The following B3GAT2 variants were observed in gnomAD, a reference collection of about 807,000 sequenced individuals.
B3GAT2 encodes the protein beta-1,3-glucuronyltransferase 2.
In B3GAT2, 26 loss-of-function variants were observed where a neutral mutation model predicts 27.8. That is an observed-to-expected ratio of 0.93 (90% CI 0.68 to 1.30). B3GAT2 has a LOEUF of 1.30. Ranked by LOEUF, B3GAT2 falls within the 50% of genes most tolerant of loss-of-function variation. The pLI, the probability that B3GAT2 is intolerant of heterozygous loss-of-function variation, is 0.00. For missense variants in B3GAT2, 458 were observed against 459.0 expected (o/e 1.00, Z 0.02); for synonymous variants, 218 against 195.1 (o/e 1.12, Z -0.98).
At chr6:70,898,040 A>T (rs1301652548) in intron 1 of B3GAT2, among the ~76,000 whole-genome samples, 1 of 152,164 alleles carries the variant, frequency 6.6e-6, no homozygotes, top group Non-Finnish European at 1.5e-5. Context: ...TTATAATCAG[A>T]TAGTATTACT....
chr6:70,860,168 C>T lies in B3GAT2; in HGVS notation c.*1495G>A, dbSNP rs1361175311. Reference sequence around the variant, plus strand: ...AACAAGAATTAAAAGTGAAGTAAGCCTCTTGAACTAAGCCTTTTATATGTT... The same window carrying T: ...AACAAGAATTAAAAGTGAAGTAAGCTTCTTGAACTAAGCCTTTTATATGTT... On this transcript the variant is annotated 3_prime_UTR_variant, in exon 4 of 4. Transcript: ENST00000230053. 4 of 1,572,880 alleles carry T rather than the reference C, an allele frequency of 2.5e-6. No individual in the cohort carries two copies. The highest frequency in any genetic ancestry group is 3.4e-6 in the Non-Finnish European group (4 of 1,160,348).
chr6:70,933,269 C>A (rs1562233179), intron 1 of B3GAT2, among the ~76,000 whole-genome samples: 1 of 151,930 alleles, frequency 6.6e-6, no homozygotes, highest in African/African-American at 2.4e-5. Flanking sequence ...TTTTTTAAAT[C>A]CTAAAACAAA....
chr6:70,934,999 T>C (rs887257463), intron 1 of B3GAT2, among the ~76,000 whole-genome samples: 1 of 152,206 alleles, frequency 6.6e-6, no homozygotes, highest in Non-Finnish European at 1.5e-5. Flanking sequence ...CAGAGGCTGA[T>C]AGCCACAGGA....
intron 1 of B3GAT2, among the ~76,000 whole-genome samples, chr6:70,899,254 T>C (rs1008083009): frequency 6.6e-6 from 1 of 152,236 alleles, no homozygotes; most frequent in Non-Finnish European, 1.5e-5. Context: ...TGTTTTGCAT[T>C]AGACTTTTCA....
Position 70,936,015 on chromosome 6 carries a change from G to A in B3GAT2, c.591+19824C>T, listed in dbSNP as rs373297346. 3.1e-3 allele frequency among the ~76,000 whole-genome samples: 474 copies of A among 151,274 alleles called. 12 individuals are homozygous for A. The East Asian group carries it at 0.084, about 27-fold the overall frequency. ...GCTGTATTCAGGAAACCCATCTCAC[G>A]TGCAGAGACACACATAGGCTCAAAA... is the stretch of plus-strand genomic sequence containing the variant. On this transcript the variant is annotated intron_variant, in intron 1 of 3. Coordinates refer to ENST00000230053, the MANE Select transcript of B3GAT2 (RefSeq NM_080742.3).
intron 1 of B3GAT2, among the ~76,000 whole-genome samples, chr6:70,939,797 A>T (rs1765358516): frequency 2.0e-5 from 3 of 152,000 alleles, no homozygotes. Flanking sequence ...TAATGCTAAA[A>T]GACTAGTTAA....
chr6:70,873,155 T>C (rs887406024), intron 2 of B3GAT2, among the ~76,000 whole-genome samples: 1 of 152,152 alleles, frequency 6.6e-6, no homozygotes, highest in Non-Finnish European at 1.5e-5. Flanking sequence ...CTAGTGTTCT[T>C]ATTTGTTCAT....
Position 70,955,891 on chromosome 6 carries a change from A to G in B3GAT2, c.539T>C (p.Val180Ala). The change falls in exon 1 of 4, where the codon GTG becomes GCG. Residue 180 changes from valine (V) to alanine (A), a missense_variant. By Grantham distance (64) the Val-to-Ala change is moderately conservative. Coordinates refer to ENST00000230053, the MANE Select transcript of B3GAT2 (RefSeq NM_080742.3). ...GTTGTCGTCGTCAGCGAAGAAGAGC[A>G]CGCCGGGCTGCGCGCGCTGGTGCTG... ...RHQHQRAQPGVLFFADDDNTY... is the reference protein window; with the variant it reads ...RHQHQRAQPGALFFADDDNTY... The G allele has an allele frequency of 6.2e-7, 1 of 1,604,770 alleles. No homozygotes were observed. Among genetic ancestry groups the G allele is most frequent in the Non-Finnish European group, 8.5e-7 (1 of 1,176,572 alleles).
intron 1 of B3GAT2, among the ~76,000 whole-genome samples, chr6:70,926,693 C>T (rs1406081939): frequency 1.3e-5 from 2 of 152,166 alleles, no homozygotes; most frequent in Admixed American, 1.3e-4. Flanking sequence ...ACCAAATCTA[C>T]GTTTCATTGG....
chr6:70,951,588 G>A (rs1765579090), intron 1 of B3GAT2, among the ~76,000 whole-genome samples: 1 of 152,096 alleles, frequency 6.6e-6, no homozygotes, highest in East Asian at 1.9e-4. Flanking sequence ...ACATCTTTAG[G>A]CCCAAATTGT....
chr6:70,953,227 G>A (rs1445029296), intron 1 of B3GAT2, among the ~76,000 whole-genome samples: 2 of 152,190 alleles, frequency 1.3e-5, no homozygotes, highest in African/African-American at 2.4e-5. Flanking sequence ...CCAAGGAGCT[G>A]TAGATTTTCA....
rs1185026954 is a variant in B3GAT2 at position 70,858,163 on chromosome 6, A to G, written c.*3500T>C. 4 of 1,613,996 alleles carry G rather than the reference A, an allele frequency of 2.5e-6. No homozygotes were observed. The South Asian group carries it at 4.4e-5, about 18-fold the overall frequency. On this transcript the variant is annotated 3_prime_UTR_variant, in exon 4 of 4. Transcript: ENST00000230053. ...GCCCCCAAGGAGGAATGGTGGGACA[A>G]ATGGGTGCACCCCAGAGTAAGTTTG... is the stretch of plus-strand genomic sequence containing the variant.
intron 1 of B3GAT2, among the ~76,000 whole-genome samples, chr6:70,896,184 T>A (rs1772381854): frequency 6.6e-6 from 1 of 151,974 alleles, no homozygotes; most frequent in African/African-American, 2.4e-5. Context: ...GGTGGTATGC[T>A]GTGTGTGATC....
At chr6:70,883,964 G>T (rs1219141305) in intron 2 of B3GAT2, among the ~76,000 whole-genome samples, 2 of 151,750 alleles carry the variant, frequency 1.3e-5, no homozygotes, top group East Asian at 1.9e-4. Flanking sequence ...ATGGACACAG[G>T]GGGTGGCCTG....
At chr6:70,867,602 G>A (rs1771871352) in intron 2 of B3GAT2, among the ~76,000 whole-genome samples, 1 of 152,010 alleles carries the variant, frequency 6.6e-6, no homozygotes, top group Non-Finnish European at 1.5e-5. Flanking sequence ...CAAGCTACAA[G>A]GCTCACTCAT....
intron 1 of B3GAT2, among the ~76,000 whole-genome samples, chr6:70,912,827 T>C (rs1341922909): frequency 2.0e-5 from 3 of 152,172 alleles, no homozygotes; most frequent in African/African-American, 4.8e-5. Context: ...GTAGGCTTTT[T>C]ACTACTGATT....
In B3GAT2 at chr6:70,860,272, A is replaced by T; in HGVS notation, c.*1391T>A. On this transcript the variant is annotated 3_prime_UTR_variant, in exon 4 of 4. Transcript: ENST00000230053. The stretch of plus-strand genomic sequence containing the variant: ...TGCAGGTTTTGGCCAGCCCTCCAGC[A>T]CAACAGCAGGATGGTCTGGAAGCTC... 6.2e-7 allele frequency: 1 copy of T among 1,613,888 alleles called. No individual in the cohort carries two copies. Among genetic ancestry groups the T allele is most frequent in the Non-Finnish European group, 8.5e-7 (1 of 1,179,876 alleles).
chr6:70,902,760 G>C (rs1253049930), intron 1 of B3GAT2, among the ~76,000 whole-genome samples: 2 of 151,584 alleles, frequency 1.3e-5, no homozygotes, highest in Non-Finnish European at 2.9e-5. Context: ...AAACTGGGAA[G>C]ACATTATGCT....
intron 1 of B3GAT2, among the ~76,000 whole-genome samples, chr6:70,930,141 G>A (rs1582388147): frequency 6.6e-6 from 1 of 152,338 alleles, no homozygotes; most frequent in East Asian, 1.9e-4. Flanking sequence ...CTAACCATAT[G>A]TAGAAAGATG....
Sources: allele counts gnomAD v4.1 joint callset (sites outside exome capture counted in the v4.1 genomes callset), GRCh38; gene constraint gnomAD v4.1.1; transcripts MANE v1.5; gene names NCBI Gene and HGNC (gene_info 2026-07-23, HGNC 2026-07-21).